The following CNTN5 variants were observed in gnomAD, a reference collection of about 807,000 sequenced individuals.
CNTN5 encodes contactin 5.
CNTN5 carries 77 observed loss-of-function variants against 129.1 expected under a neutral mutation model. The observed-to-expected ratio is 0.60, with a 90% CI of 0.50 to 0.72. The LOEUF (loss-of-function observed/expected upper bound fraction) is 0.72. Among genes scored for constraint, CNTN5 ranks in the 30% least tolerant of loss-of-function variants. The pLI, the probability that CNTN5 is intolerant of heterozygous loss-of-function variation, is 0.00. For synonymous variants in CNTN5, 509 were observed against 465.6 expected, an observed-to-expected ratio of 1.09 and a Z score of -1.20; for missense variants, 1,478 against 1,328.8, an observed-to-expected ratio of 1.11 and a Z score of -1.75.
chr11:99,959,914 C>T lies in CNTN5; in HGVS notation c.877+2905C>T, dbSNP rs576576815. ...TTACCTAAGGCTATTGCTTTCTCGG[C>T]TTTTATTTGTCCATTTTTTTTTTAA... On this transcript the variant is annotated intron_variant, in intron 8 of 24. Coordinates refer to ENST00000524871, the MANE Select transcript of CNTN5 (RefSeq NM_014361.4). 6.1e-5 allele frequency among the ~76,000 whole-genome samples: 9 copies of T among 146,366 alleles called. No homozygotes were observed. The East Asian group carries it at 1.5e-3, about 25-fold the overall frequency.
chr11:100,015,075 G>C (rs922187894), intron 9 of CNTN5, among the ~76,000 whole-genome samples: 2 of 151,912 alleles, frequency 1.3e-5, no homozygotes, highest in Admixed American at 6.6e-5. Flanking sequence ...CCACTGACTT[G>C]GTGCATAATG....
intron 1 of CNTN5, among the ~76,000 whole-genome samples, chr11:99,053,483 G>A (rs1393750731): frequency 6.6e-6 from 1 of 151,686 alleles, no homozygotes; most frequent in East Asian, 1.9e-4. Flanking sequence ...CACATCTGAG[G>A]TTTCTTGGAA....
At chr11:99,800,838 G>A (rs1301834) in intron 3 of CNTN5, among the ~76,000 whole-genome samples, 36,738 of 151,958 alleles carry the variant, frequency 0.24, 4,951 homozygotes, top group Non-Finnish European at 0.32. Context: ...TTCTTTTGAA[G>A]ACAGCTGGCA....
intron 16 of CNTN5, among the ~76,000 whole-genome samples, chr11:100,241,293 C>A (rs1434718020): frequency 6.6e-6 from 1 of 152,152 alleles, no homozygotes; most frequent in Non-Finnish European, 1.5e-5. Flanking sequence ...GACAGCATTA[C>A]TTTTATAGTG....
At chr11:99,438,106 A>G (rs1591057276) in intron 2 of CNTN5, among the ~76,000 whole-genome samples, 3 of 152,192 alleles carry the variant, frequency 2.0e-5, no homozygotes, top group East Asian at 3.8e-4. Context: ...TATTCATGCT[A>G]GAAGCTTAAT....
intron 18 of CNTN5, among the ~76,000 whole-genome samples, chr11:100,275,248 G>A (rs750558875): frequency 2.0e-5 from 3 of 152,138 alleles, no homozygotes; most frequent in East Asian, 1.9e-4. Flanking sequence ...TAATTGCCTG[G>A]TTAGATTTTC....
chr11:99,283,336 C>T (rs1863782878), intron 1 of CNTN5, among the ~76,000 whole-genome samples: 1 of 152,054 alleles, frequency 6.6e-6, no homozygotes, highest in Admixed American at 6.6e-5. Flanking sequence ...AAAATTTTAG[C>T]TAAAAATCTA....
At chr11:99,624,415 T>C (rs1951058296) in intron 3 of CNTN5, among the ~76,000 whole-genome samples, 2 of 152,150 alleles carry the variant, frequency 1.3e-5, no homozygotes, top group African/African-American at 4.8e-5. Context: ...TCTTAGCTAC[T>C]GATAATTTAC....
intron 2 of CNTN5, among the ~76,000 whole-genome samples, chr11:99,408,260 C>G (rs1162522861): frequency 6.6e-6 from 1 of 150,616 alleles, no homozygotes; most frequent in African/African-American, 2.4e-5. Context: ...ACTCTGTTGC[C>G]CAGGCTGGAG....
intron 3 of CNTN5, among the ~76,000 whole-genome samples, chr11:99,746,883 T>A (rs769433129): frequency 9.2e-5 from 14 of 152,216 alleles, no homozygotes; most frequent in Non-Finnish European, 1.5e-4. Flanking sequence ...TTCTTTTACT[T>A]AAGATTACTT....
At chr11:99,789,914 C>CTT (rs750505039) in intron 3 of CNTN5, among the ~76,000 whole-genome samples, 2 of 152,020 alleles carry the variant, frequency 1.3e-5, no homozygotes, top group Non-Finnish European at 2.9e-5. Flanking sequence ...TTTTTCAACT[C>CTT]TTTCTCTATC....
chr11:99,161,772 G>A (rs1860622083), intron 1 of CNTN5, among the ~76,000 whole-genome samples: 1 of 152,128 alleles, frequency 6.6e-6, no homozygotes. Context: ...AGAAACCATT[G>A]TAGGTAGCAA....
At chr11:100,221,076 G>C (rs1949254427) in intron 15 of CNTN5, among the ~76,000 whole-genome samples, 1 of 152,174 alleles carries the variant, frequency 6.6e-6, no homozygotes, top group Non-Finnish European at 1.5e-5. Flanking sequence ...CATGAACAAA[G>C]TGACATTGGA....
intron 15 of CNTN5, among the ~76,000 whole-genome samples, chr11:100,195,489 T>C (rs1948614832): frequency 6.6e-6 from 1 of 151,934 alleles, no homozygotes; most frequent in African/African-American, 2.4e-5. Flanking sequence ...TATGCTTTCC[T>C]TGCCCCAGAG....
At chr11:99,104,641 C>A (rs199916550) in intron 1 of CNTN5, among the ~76,000 whole-genome samples, 1 of 151,268 alleles carries the variant, frequency 6.6e-6, no homozygotes, top group South Asian at 2.1e-4. Flanking sequence ...CACACACACA[C>A]GTGTATATAT....
At chr11:100,031,479 C>T (rs531326547) in intron 9 of CNTN5, among the ~76,000 whole-genome samples, 39 of 152,230 alleles carry the variant, frequency 2.6e-4, no homozygotes, top group African/African-American at 7.5e-4. Flanking sequence ...GCATGAGGGG[C>T]GCCTGTCCAT....
chr11:99,474,452 CATTA>C (rs1945291789), intron 2 of CNTN5, among the ~76,000 whole-genome samples: 1 of 151,904 alleles, frequency 6.6e-6, no homozygotes, highest in South Asian at 2.1e-4. Context: ...CATATTATAC[CATTA>C]ATTATTATTA....
At chr11:99,415,979 C>A (rs1404673439) in intron 2 of CNTN5, among the ~76,000 whole-genome samples, 3 of 152,110 alleles carry the variant, frequency 2.0e-5, no homozygotes, top group African/African-American at 7.2e-5. Context: ...TTACACAAAA[C>A]CGAACAATAT....
chr11:99,895,302 TAGA>T (rs1485489375), intron 6 of CNTN5, among the ~76,000 whole-genome samples: 1 of 152,184 alleles, frequency 6.6e-6, no homozygotes, highest in Non-Finnish European at 1.5e-5. Context: ...TTAGTTACCA[TAGA>T]AGAAGACTTG....
Sources: gnomAD v4.1 joint callset for allele counts (sites outside exome capture counted in the v4.1 genomes callset) on GRCh38, gnomAD v4.1.1 for gene constraint, MANE v1.5 for transcripts, NCBI Gene and HGNC (gene_info 2026-07-23, HGNC 2026-07-21) for gene names.